SCNN1B: variants seen among roughly 807,000 people sequenced by gnomAD.
SCNN1B encodes the protein sodium channel epithelial 1 subunit beta, also known as epithelial sodium channel subunit beta.
Under a neutral mutation model 65.3 loss-of-function variants are expected in SCNN1B, and 46 were observed. That is an observed-to-expected ratio of 0.70 (90% CI 0.56 to 0.90). SCNN1B has a LOEUF of 0.90. Among genes scored for constraint, SCNN1B ranks in the 40% least tolerant of loss-of-function variants. The pLI, the probability that SCNN1B is intolerant of heterozygous loss-of-function variation, is 0.00. For missense variants in SCNN1B, 751 were observed against 830.5 expected (o/e 0.90, Z 1.18); for synonymous variants, 349 against 330.6 (o/e 1.06, Z -0.60).
At chr16:23,340,797 C>A (rs1238249700) in intron 1 of SCNN1B, among the ~76,000 whole-genome samples, 1 of 152,186 alleles carries the variant, frequency 6.6e-6, no homozygotes, top group Non-Finnish European at 1.5e-5. Context: ...CAATACCACA[C>A]TGTCCTGATA....
intron 1 of SCNN1B, among the ~76,000 whole-genome samples, chr16:23,332,811 C>A (rs1051920472): frequency 6.6e-6 from 1 of 152,212 alleles, no homozygotes; most frequent in Non-Finnish European, 1.5e-5. Flanking sequence ...GTGGCTCATG[C>A]CCGTAATCCC....
chr16:23,360,589 TG>T (rs1408280494), intron 4 of SCNN1B, among the ~76,000 whole-genome samples: 18 of 109,524 alleles, frequency 1.6e-4, no homozygotes, highest in South Asian at 3.3e-4. Context: ...GTGGTGGTGG[TG>T]GTTTTTTTTT....
At chr16:23,345,622 A>G (rs1436972638) in intron 1 of SCNN1B, among the ~76,000 whole-genome samples, 1 of 152,244 alleles carries the variant, frequency 6.6e-6, no homozygotes, top group African/African-American at 2.4e-5. Context: ...TTATTCCAAT[A>G]TAAACGAATA....
chr16:23,289,069 A>G lies in SCNN1B; in HGVS notation n.178+5265A>G, dbSNP rs138887424. On this transcript the variant is annotated intron_variant and non_coding_transcript_variant, in intron 2 of 3. Transcript: ENST00000569789. ...CATCCCATCACCCTTGCCATCTTCG[A>G]TGATTAGAAGCAAGCCACTAGATCA... Among the ~76,000 whole-genome samples the G allele has an allele frequency of 3.1e-3, 470 of 152,290 alleles. 8 individuals carry two copies. Among genetic ancestry groups the G allele is most frequent in the Non-Finnish European group, 4.0e-3 (274 of 68,020 alleles).
chr16:23,380,151 A>G lies in SCNN1B; in HGVS notation c.1524A>G (p.Glu508=), dbSNP rs1468672634. The stretch of plus-strand genomic sequence containing the variant: ...AAGAATTTAACTATCGCACCATTGA[A>G]GAATCAGCAGCCAATAACGTGAGTT... ...YFQEFNYRTI[E]ESAANNIVWL... is the part of the protein sequence containing the mutation. The change falls in exon 12 of 13, where the codon GAA becomes GAG. Residue 508 remains glutamate (E), a synonymous_variant. Coordinates refer to ENST00000343070, the MANE Select transcript of SCNN1B (RefSeq NM_000336.3). The surrounding 1 kb of genome is among the most constrained non-coding windows in gnomAD (Gnocchi z 5.4). The G allele has an allele frequency of 1.9e-6, 3 of 1,614,082 alleles. No individual in the cohort carries two copies. Among genetic ancestry groups the G allele is most frequent in the Non-Finnish European group, 2.5e-6 (3 of 1,179,950 alleles).
At chr16:23,361,017 A>T (rs1186084356) in intron 4 of SCNN1B, among the ~76,000 whole-genome samples, 1 of 151,910 alleles carries the variant, frequency 6.6e-6, no homozygotes, top group Non-Finnish European at 1.5e-5. Flanking sequence ...GATGGTCTTG[A>T]TCTCCTGACC....
chr16:23,380,851 C>A lies in SCNN1B; in HGVS notation c.*50C>A. 6.2e-7 allele frequency: 1 copy of A among 1,604,800 alleles called. No individual in the cohort carries two copies. The highest frequency in any genetic ancestry group is 8.5e-7 in the Non-Finnish European group (1 of 1,174,306). Reference sequence around the variant, plus strand: ...GCTGAAACTCACTGAGCAGCCAAGACTGTTGCCCGAGGCCTCACTGTATGG... The same window carrying A: ...GCTGAAACTCACTGAGCAGCCAAGAATGTTGCCCGAGGCCTCACTGTATGG... On this transcript the variant is annotated 3_prime_UTR_variant, in exon 13 of 13. Transcript: ENST00000343070. This position sits in a 1 kb window ranked among gnomAD's most constrained non-coding sequence, Gnocchi z 5.4.
chr16:23,305,581 A>ATATAT (rs1961198445), intron 1 of SCNN1B, among the ~76,000 whole-genome samples: 1 of 33,412 alleles, frequency 3.0e-5, no homozygotes, highest in African/African-American at 1.8e-4. Flanking sequence ...TATATATTAT[A>ATATAT]TATATATATA....
chr16:23,363,026 T>C (rs988216223), intron 4 of SCNN1B, among the ~76,000 whole-genome samples: 11 of 152,192 alleles, frequency 7.2e-5, no homozygotes, highest in Non-Finnish European at 1.3e-4. Context: ...TACTTGTTCA[T>C]AAAGTCTCAG....
At chr16:23,362,339 A>C (rs1022101581) in intron 4 of SCNN1B, among the ~76,000 whole-genome samples, 1 of 151,988 alleles carries the variant, frequency 6.6e-6, no homozygotes, top group Non-Finnish European at 1.5e-5. Context: ...CAAAAAAAAA[A>C]AAAATAAAGT....
intron 2 of SCNN1B, among the ~76,000 whole-genome samples, chr16:23,286,435 G>C (rs565036540): frequency 2.6e-4 from 39 of 152,206 alleles, no homozygotes; most frequent in Non-Finnish European, 5.4e-4. Flanking sequence ...ACAATGGAAG[G>C]ATCTGGTTGT....
At chr16:23,316,346 G>A (rs111067695) in intron 1 of SCNN1B, among the ~76,000 whole-genome samples, 15 of 109,938 alleles carry the variant, frequency 1.4e-4, no homozygotes, top group South Asian at 9.9e-4. Context: ...CACCATCGCC[G>A]TCACCATCTC....
At chr16:23,296,990 C>CAAAA (rs57412418) in intron 2 of SCNN1B, among the ~76,000 whole-genome samples, 8 of 81,866 alleles carry the variant, frequency 9.8e-5, no homozygotes, top group African/African-American at 2.1e-4. Flanking sequence ...CATCTCAAAA[C>CAAAA]AAAAAAAAAA....
intron 4 of SCNN1B, among the ~76,000 whole-genome samples, chr16:23,359,940 C>T (rs1034475241): frequency 2.6e-5 from 4 of 152,124 alleles, no homozygotes; most frequent in Non-Finnish European, 2.9e-5. Context: ...TGGTGGCTCA[C>T]GCCTATAATC....
intron 3 of SCNN1B, among the ~76,000 whole-genome samples, chr16:23,354,847 A>G (rs995985746): frequency 6.6e-6 from 1 of 152,172 alleles, no homozygotes; most frequent in African/African-American, 2.4e-5. Context: ...TCTTCTGTGC[A>G]TGCCTCTGCA....
At chr16:23,360,446 G>A (rs1238500662) in intron 4 of SCNN1B, among the ~76,000 whole-genome samples, 1 of 152,026 alleles carries the variant, frequency 6.6e-6, no homozygotes, top group Non-Finnish European at 1.5e-5. Flanking sequence ...CTACTCTGGA[G>A]GCTGAGGGGG....
Position 23,304,121 on chromosome 16 carries a change from T to A in SCNN1B, c.-9+1684T>A, listed in dbSNP as rs1217352909. The A allele has an allele frequency of 2.0e-6, 3 of 1,519,990 alleles. No individual in the cohort carries two copies. In the African/African-American group the frequency reaches 4.1e-5, roughly 21 times the overall value. The allele number at this position is 1,519,990 out of a possible 1,614,324, so 94.2% of individuals were successfully genotyped here. Reference sequence around the variant, plus strand: ...TTTCAGGTTGGTTTTTATTTCAGCATCTTCTATAAATTGTTATCTCTGGGT... The same window carrying A: ...TTTCAGGTTGGTTTTTATTTCAGCAACTTCTATAAATTGTTATCTCTGGGT... On this transcript the variant is annotated intron_variant, in intron 1 of 12. Transcript: ENST00000343070.
chr16:23,371,933 T>C (rs775547565), intron 7 of SCNN1B, 50 bp downstream of exon 7: 65 of 1,312,598 alleles, frequency 5.0e-5, no homozygotes, highest in Non-Finnish European at 6.2e-5. Context: ...TCCGGGTTTA[T>C]GGGGCCAAGG....
chr16:23,311,006 G>A (rs1961329846), intron 1 of SCNN1B, among the ~76,000 whole-genome samples: 1 of 152,208 alleles, frequency 6.6e-6, no homozygotes, highest in South Asian at 2.1e-4. Context: ...GGAGTGAATG[G>A]CCTAGGCCAG....
Sources: allele counts gnomAD v4.1 joint callset (sites outside exome capture counted in the v4.1 genomes callset), GRCh38; gene constraint gnomAD v4.1.1; non-coding constraint Gnocchi (gnomAD v3.1); transcripts MANE v1.5; gene names NCBI Gene and HGNC (gene_info 2026-07-23, HGNC 2026-07-21).